CACNA1H: variants seen among roughly 807,000 people sequenced by gnomAD.
CACNA1H encodes calcium voltage-gated channel subunit alpha1 H.
In CACNA1H, 149 loss-of-function variants were observed where a neutral mutation model predicts 192.5. That is an observed-to-expected ratio of 0.77 (90% CI 0.68 to 0.89). The LOEUF (loss-of-function observed/expected upper bound fraction) is 0.89, where lower values mean the gene tolerates loss of function less well. Among genes scored for constraint, CACNA1H ranks in the 40% least tolerant of loss-of-function variants. The pLI is 0.00. For missense variants in CACNA1H, 4,257 were observed against 3,423.5 expected, an observed-to-expected ratio of 1.24 and a Z score of -6.08; for synonymous variants, 2,202 against 1,475.2, an observed-to-expected ratio of 1.49 and a Z score of -11.29.
chr16:1,183,212 C>T (rs1965646737), intron 2 of CACNA1H, among the ~76,000 whole-genome samples: 1 of 152,158 alleles, frequency 6.6e-6, no homozygotes, highest in Non-Finnish European at 1.5e-5. Context: ...TGGGGCTGCC[C>T]TCGGGATCTG....
intron 14 of CACNA1H, 121 bp downstream of exon 14, chr16:1,207,551 C>T (rs903471363): frequency 1.2e-5 from 14 of 1,194,994 alleles, no homozygotes; most frequent in Admixed American, 2.1e-5. Flanking sequence ...GGGAAGCTGG[C>T]TGCCATGAGG....
chr16:1,185,372 C>T (rs112008334), intron 2 of CACNA1H, among the ~76,000 whole-genome samples: 159 of 152,074 alleles, frequency 1.0e-3, no homozygotes, highest in African/African-American at 3.4e-3. Context: ...GCAGGATTGG[C>T]GTTCATAGCC....
At chr16:1,189,663 T>A (rs1016187041) in intron 2 of CACNA1H, among the ~76,000 whole-genome samples, 4 of 152,020 alleles carry the variant, frequency 2.6e-5, no homozygotes, top group African/African-American at 9.7e-5. Context: ...TTCCAAATGA[T>A]CCTCCTGCCT....
chr16:1,186,284 A>T (rs1966050833), intron 2 of CACNA1H, among the ~76,000 whole-genome samples: 1 of 151,910 alleles, frequency 6.6e-6, no homozygotes, highest in African/African-American at 2.4e-5. Flanking sequence ...GGCTCCCTCG[A>T]GGTGTCCCAG....
chr16:1,209,858 C>T (rs1456788214), intron 17 of CACNA1H, among the ~76,000 whole-genome samples, 177 bp from the exon 18 acceptor site: 1 of 152,186 alleles, frequency 6.6e-6, no homozygotes, highest in Non-Finnish European at 1.5e-5. Flanking sequence ...GGGGGAGGCT[C>T]CACGGTATGG....
rs748730819 is a variant in CACNA1H, at chr16:1,200,706, GC to G, written c.1120-3del. On this transcript the variant is annotated splice_polypyrimidine_tract_variant and intron_variant, in intron 7 of 34. Coordinates refer to ENST00000348261, the MANE Select transcript of CACNA1H (RefSeq NM_021098.3). ...TCGTGCGGGCCCAAGTCAAGCCACT[GC>G]CCCCCCAGGTGATCACGCTGGAAGG... The G allele has an allele frequency of 2.1e-4, 331 of 1,565,108 alleles. 6 individuals are homozygous for G. In the Admixed American group the frequency reaches 5.9e-3, roughly 28 times the overall value.
chr16:1,206,638 G>T, intron 12 of CACNA1H: 1 of 421,408 alleles, frequency 2.4e-6, no homozygotes, highest in South Asian at 3.1e-5. Context: ...TGGAGCTCAG[G>T]GTCAGGGTCG....
At chr16:1,173,546 T>C (rs569002733) in intron 2 of CACNA1H, among the ~76,000 whole-genome samples, 21 of 152,374 alleles carry the variant, frequency 1.4e-4, no homozygotes, top group African/African-American at 5.0e-4. Flanking sequence ...GCCCTTTGTG[T>C]GTTAACATAA....
At chr16:1,207,191 C>T (rs745433687) in intron 13 of CACNA1H, 73 bp downstream of exon 13, 99 of 1,547,736 alleles carry the variant, frequency 6.4e-5, no homozygotes, top group Non-Finnish European at 8.1e-5. Context: ...TGCCGTCCTG[C>T]GCATCCATAG....
In CACNA1H at chr16:1,220,004, G is replaced by A; in HGVS notation, c.6072G>A (p.Leu2024=). 2 of 1,350,830 alleles carry A rather than the reference G, an allele frequency of 1.5e-6. No homozygotes were observed. Among genetic ancestry groups the A allele is most frequent in the Non-Finnish European group, 1.9e-6 (2 of 1,047,930 alleles). 83.7% of individuals were successfully genotyped at this position (1,350,830 alleles called of 1,614,324 possible). A position where few individuals can be genotyped will look rare whatever the true frequency, so the allele number is the denominator to read the frequency against. Residue 2024 remains leucine, a synonymous_variant, in exon 35 of 35, where the codon TTG becomes TTA. Transcript: ENST00000348261. ...CRQEAVHTDS[L]EGKIDSPRDT... ...AGGAGGCTGTGCACACCGATTCCTTGGAAGGGAAGATTGACAGCCCTAGGG... is the reference window on the plus strand; with the variant it reads ...AGGAGGCTGTGCACACCGATTCCTTAGAAGGGAAGATTGACAGCCCTAGGG...
In CACNA1H at chr16:1,200,388, C is replaced by T. The variant is rs780299000; in HGVS notation, c.936C>T (p.Arg312=). 7.2e-5 allele frequency: 115 copies of T among 1,606,028 alleles called. No homozygotes were observed. Among genetic ancestry groups the T allele is most frequent in the Middle Eastern group, 4.9e-4 (3 of 6,080 alleles). The change falls in exon 7 of 35, where the codon CGC becomes CGT. Residue 312 remains arginine, a synonymous_variant. Transcript: ENST00000348261. The part of the protein sequence containing the change: ...CSHIPGRREL[R]MPCTLGWEAY... ...ACATCCCCGGCCGCCGCGAGCTGCG[C>T]ATGCCCTGCACCCTGGGCTGGGAGG...
At chr16:1,206,865 T>C in intron 12 of CACNA1H, 136 bp from the exon 13 acceptor site, 1 of 599,512 alleles carries the variant, frequency 1.7e-6, no homozygotes, top group South Asian at 1.9e-5. Context: ...CCAGGGAGGG[T>C]AGGAGGCCAG....
intron 2 of CACNA1H, among the ~76,000 whole-genome samples, chr16:1,178,224 A>G (rs1162331633): frequency 1.8e-5 from 2 of 110,528 alleles, no homozygotes; most frequent in Non-Finnish European, 3.6e-5. Context: ...TCTGCCTGGG[A>G]TCCCCCAACG....
chr16:1,218,467 G>C lies in CACNA1H; in HGVS notation c.5703G>C (p.Leu1901Phe). 6.4e-7 allele frequency: 1 copy of C among 1,551,466 alleles called. No individual in the cohort carries two copies. Among genetic ancestry groups the C allele is most frequent in the Non-Finnish European group, 8.7e-7 (1 of 1,147,772 alleles). ...GGGTGGACGCGGACAGGCCTCCCTTGCCCCAGGAGAGTCCGGGCGCCAGGG... is the reference window on the plus strand; with the variant it reads ...GGGTGGACGCGGACAGGCCTCCCTTCCCCCAGGAGAGTCCGGGCGCCAGGG... ...ARRVDADRPP[L>F]PQESPGARDA... The change falls in exon 33 of 35, where the codon TTG becomes TTC. Residue 1901 changes from leucine to phenylalanine, a missense_variant. Transcript: ENST00000348261.
intron 9 of CACNA1H, among the ~76,000 whole-genome samples, chr16:1,202,690 C>A (rs569348055): frequency 1.3e-5 from 2 of 152,136 alleles, no homozygotes; most frequent in Non-Finnish European, 2.9e-5. Flanking sequence ...GTGGTAGCCG[C>A]GGAGGTGGGA....
rs1428706132 is a variant in CACNA1H at position 1,153,966 on chromosome 16, G to T, written c.229G>T (p.Ala77Ser). ...GCGCGTCCCGTACCCGGCCTTGGCGGCCACGGTCTTCTTCTGCCTCGGTCA... is the reference window on the plus strand; with the variant it reads ...GCGCGTCCCGTACCCGGCCTTGGCGTCCACGGTCTTCTTCTGCCTCGGTCA... ...EQRVPYPALA[A>S]TVFFCLGQTT... The change falls in exon 2 of 35, where the codon GCC becomes TCC. Residue 77 changes from alanine (A) to serine (S), a missense_variant. Ala to Ser is a moderately conservative substitution (Grantham distance 99, BLOSUM62 1). Coordinates refer to ENST00000348261, the MANE Select transcript of CACNA1H (RefSeq NM_021098.3). 6.9e-7 allele frequency: 1 copy of T among 1,449,952 alleles called. No individual in the cohort carries two copies. The highest frequency in any genetic ancestry group is 9.1e-7 in the Non-Finnish European group (1 of 1,101,302). The allele number at this position is 1,449,952 out of a possible 1,614,324, so 89.8% of individuals were successfully genotyped here.
chr16:1,209,728 C>T (rs898636926), intron 17 of CACNA1H, among the ~76,000 whole-genome samples: 2 of 152,156 alleles, frequency 1.3e-5, no homozygotes, highest in African/African-American at 4.8e-5. Context: ...CAGGCATCCG[C>T]TAGGCTCTCA....
intron 2 of CACNA1H, among the ~76,000 whole-genome samples, chr16:1,164,065 G>A (rs1168853654): frequency 2.0e-5 from 3 of 152,228 alleles, no homozygotes; most frequent in African/African-American, 7.2e-5. Context: ...GCCGCCGGCC[G>A]GGTATGGAGG....
intron 34 of CACNA1H, 97 bp from the exon 35 acceptor site, chr16:1,219,884 C>T (rs541163452): frequency 4.0e-6 from 4 of 1,011,650 alleles, no homozygotes; most frequent in East Asian, 3.3e-5. Flanking sequence ...CCAGTTTGGC[C>T]TCTCCAGTAC....
Sources: gnomAD v4.1 joint callset for allele counts (sites outside exome capture counted in the v4.1 genomes callset) on GRCh38, gnomAD v4.1.1 for gene constraint, MANE v1.5 for transcripts, NCBI Gene and HGNC (gene_info 2026-07-23, HGNC 2026-07-21) for gene names.